METTL22: variants seen among roughly 807,000 people sequenced by gnomAD.
The protein encoded by METTL22 is methyltransferase 22, Kin17 lysine, also known as methyltransferase-like protein 22.
In METTL22, 51 loss-of-function variants were observed where a neutral mutation model predicts 48.4. The ratio of observed to expected loss-of-function variants is 1.05; its 90% CI spans 0.84 to 1.33. The LOEUF (loss-of-function observed/expected upper bound fraction) is 1.33. METTL22 is among the 40% of genes most tolerant of loss of function. The pLI, the probability that METTL22 is intolerant of heterozygous loss-of-function variation, is 0.00. For missense variants in METTL22, 678 were observed against 526.9 expected (o/e 1.29, Z -2.81); for synonymous variants, 255 against 214.1 (o/e 1.19, Z -1.67).
At chr16:8,657,434 T>G in the METTL22 span, among the ~76,000 whole-genome samples, 1 of 152,236 alleles carries the variant, frequency 6.6e-6, no homozygotes. Flanking sequence ...TCTTGGGGGC[T>G]GAAGTTTGCA....
chr16:8,640,898 A>G (rs184880031), intron 6 of METTL22, among the ~76,000 whole-genome samples: 1,116 of 9,142 alleles, frequency 0.12, 94 homozygotes, highest in African/African-American at 0.2. Flanking sequence ...GGGTGAATGG[A>G]TGGATGGATG....
intron 2 of METTL22, among the ~76,000 whole-genome samples, chr16:8,627,077 C>G (rs1326580415): frequency 6.6e-6 from 1 of 152,170 alleles, no homozygotes; most frequent in African/African-American, 2.4e-5. Flanking sequence ...CCAGCCACCT[C>G]TGTTGCTTGC....
chr16:8,631,756 C>T (rs1376917172), intron 3 of METTL22: 1 of 152,244 alleles, frequency 6.6e-6, no homozygotes, highest in Admixed American at 6.5e-5. Flanking sequence ...CCTAGAGTTT[C>T]TCATGGGGAT....
In METTL22 at chr16:8,649,160, A is replaced by G. The variant is rs2056854628; in HGVS notation, c.*3017A>G. 1 of 152,226 alleles carries G rather than the reference A, an allele frequency of 6.6e-6. No individual in the cohort carries two copies. Among genetic ancestry groups the G allele is most frequent in the Non-Finnish European group, 1.5e-5 (1 of 68,036 alleles). The allele number at this position is 152,226 out of a possible 1,614,324, so 9.4% of individuals were successfully genotyped here. A position where few individuals can be genotyped will look rare whatever the true frequency, so the allele number is the denominator to read the frequency against. On this transcript the variant is annotated 3_prime_UTR_variant, in exon 11 of 11. Coordinates refer to ENST00000381920, the MANE Select transcript of METTL22 (RefSeq NM_024109.4). ...AGTTGTCACAGCTTTCACCTGCCGCATTAGGGCAAACTGCTTTTATGTCTA... is the reference window on the plus strand; with the variant it reads ...AGTTGTCACAGCTTTCACCTGCCGCGTTAGGGCAAACTGCTTTTATGTCTA...
At chr16:8,650,773 C>G (rs2056882846), downstream of METTL22, among the ~76,000 whole-genome samples, 1 of 152,286 alleles carries the variant, frequency 6.6e-6, no homozygotes, top group African/African-American at 2.4e-5. Context: ...GCGTGTAATC[C>G]CGGCACTTTG....
At chr16:8,629,166 T>C in intron 3 of METTL22, 56 bp downstream of exon 3, 2 of 1,569,826 alleles carry the variant, frequency 1.3e-6, no homozygotes, top group South Asian at 1.2e-5. Context: ...GCAGTGTCAC[T>C]GCTCAGGGCT....
chr16:8,643,571 T>C (rs1347164796), intron 9 of METTL22, among the ~76,000 whole-genome samples: 6 of 152,122 alleles, frequency 3.9e-5, no homozygotes, highest in African/African-American at 1.4e-4. Context: ...TGGCTGGAAG[T>C]GGACAGTGGC....
chr16:8,623,278 T>A (rs973473494), intron 1 of METTL22, among the ~76,000 whole-genome samples: 11 of 150,214 alleles, frequency 7.3e-5, no homozygotes, highest in Non-Finnish European at 1.2e-4. Flanking sequence ...ACCACTGCAC[T>A]CTAGCCTGGG....
downstream of METTL22, among the ~76,000 whole-genome samples, chr16:8,651,910 C>T (rs549315878): frequency 6.6e-6 from 1 of 152,252 alleles, no homozygotes; most frequent in East Asian, 1.9e-4. Context: ...ATACCTAATG[C>T]ATGCAGGGCT....
Position 8,635,238 on chromosome 16 carries a change from C to T in METTL22, c.626C>T (p.Ala209Val), listed in dbSNP as rs749483652. 20 of 1,610,084 alleles carry T rather than the reference C, an allele frequency of 1.2e-5. No homozygotes were observed. The highest frequency in any genetic ancestry group is 5.0e-5 in the Admixed American group (3 of 59,886). Residue 209 changes from alanine (A) to valine (V), a missense_variant, in exon 5 of 11, where the codon GCG becomes GTG. Coordinates refer to ENST00000381920, the MANE Select transcript of METTL22 (RefSeq NM_024109.4). ...FRQDLFRGCT[A>V]LELGAGTGLA... The stretch of plus-strand genomic sequence containing the variant: ...CAGGACCTCTTCCGAGGATGTACAG[C>T]GCTGGAGCTCGGGGCCGGCACGGGG...
Position 8,649,578 on chromosome 16 carries a change from G to C in METTL22, c.*3435G>C, listed in dbSNP as rs1212652264. ...AGGCCGAGGTGGGTGGATCACCTAAGGTCAGGAGTTCGAGACCAGCCTGGC... is the reference window on the plus strand; with the variant it reads ...AGGCCGAGGTGGGTGGATCACCTAACGTCAGGAGTTCGAGACCAGCCTGGC... On this transcript the variant is annotated 3_prime_UTR_variant, in exon 11 of 11. Coordinates refer to ENST00000381920, the MANE Select transcript of METTL22 (RefSeq NM_024109.4). 1 of 151,828 alleles carries C rather than the reference G, an allele frequency of 6.6e-6. No homozygotes were observed. The highest frequency in any genetic ancestry group is 2.4e-5 in the African/African-American group (1 of 41,266). The allele number at this position is 151,828 out of a possible 1,614,324, so 9.4% of individuals were successfully genotyped here.
At chr16:8,626,993 T>A (rs1326927288) in intron 2 of METTL22, among the ~76,000 whole-genome samples, 2 of 151,630 alleles carry the variant, frequency 1.3e-5, no homozygotes, top group Non-Finnish European at 2.9e-5. Flanking sequence ...GGTCTTGATC[T>A]CCTGACCTCG....
the METTL22 span, among the ~76,000 whole-genome samples, chr16:8,663,225 A>AAAAAAAAT: frequency 4.1e-5 from 5 of 123,438 alleles, no homozygotes; most frequent in Non-Finnish European, 3.2e-5. Flanking sequence ...AAAAAAAAAA[A>AAAAAAAAT]GGTAGCCAAG....
chr16:8,628,722 C>T lies in METTL22; in HGVS notation c.134-8C>T, dbSNP rs1009701140. 1 of 1,595,710 alleles carries T rather than the reference C, an allele frequency of 6.3e-7. No individual in the cohort carries two copies. Among genetic ancestry groups the T allele is most frequent in the Non-Finnish European group, 8.5e-7 (1 of 1,169,974 alleles). On this transcript the variant is annotated splice_region_variant and splice_polypyrimidine_tract_variant and intron_variant, in intron 2 of 10. Coordinates refer to ENST00000381920, the MANE Select transcript of METTL22 (RefSeq NM_024109.4). Reference sequence around the variant, plus strand: ...AATTCTCATTTTGCGTTCTGTCTTGCCTTTCAGTTTTCCTGTCCCAATTCA... The same window carrying T: ...AATTCTCATTTTGCGTTCTGTCTTGTCTTTCAGTTTTCCTGTCCCAATTCA...
At chr16:8,638,020 G>T (rs2056474840) in intron 5 of METTL22, among the ~76,000 whole-genome samples, 1 of 151,862 alleles carries the variant, frequency 6.6e-6, no homozygotes, top group Admixed American at 6.6e-5. Context: ...GGTGGCGTGT[G>T]CCTATAATCC....
At position 8,635,042 on chromosome 16, in the gene METTL22, A is replaced by C; in HGVS notation, c.518A>C (p.His173Pro). The change falls in exon 4 of 11, where the codon CAC (histidine) becomes CCC (proline). Residue 173 changes from histidine (H) to proline (P), a missense_variant. Coordinates refer to ENST00000381920, the MANE Select transcript of METTL22 (RefSeq NM_024109.4). ...GSPHDIIRIE[H>P]TMATPLEDVG... ...TCTTGGTTTCTGTCCCATCCAGAGC[A>C]CACCATGGCCACGCCCCTGGAGGAT... 1.2e-6 allele frequency: 2 copies of C among 1,613,544 alleles called. No homozygotes were observed. Among genetic ancestry groups the C allele is most frequent in the Non-Finnish European group, 1.7e-6 (2 of 1,180,024 alleles).
the METTL22 span, among the ~76,000 whole-genome samples, chr16:8,655,848 A>G: frequency 1.3e-5 from 2 of 152,216 alleles, 1 homozygote. Context: ...TGTGCAAACT[A>G]AGATTTATTT....
intron 2 of METTL22, among the ~76,000 whole-genome samples, chr16:8,626,031 C>T (rs957606696): frequency 6.6e-6 from 1 of 152,162 alleles, no homozygotes; most frequent in Admixed American, 6.5e-5. Flanking sequence ...CAATCTCACT[C>T]TGTCACCCAG....
the METTL22 span, among the ~76,000 whole-genome samples, chr16:8,662,890 A>C: frequency 2.1e-5 from 3 of 144,176 alleles, 1 homozygote; most frequent in African/African-American, 7.8e-5. Context: ...AACATATAAC[A>C]GGGCAAGGAA....
Sources: allele counts gnomAD v4.1 joint callset (sites outside exome capture counted in the v4.1 genomes callset), GRCh38; gene constraint gnomAD v4.1.1; transcripts MANE v1.5; gene names NCBI Gene and HGNC (gene_info 2026-07-23, HGNC 2026-07-21).